ZNF93: variants seen among roughly 807,000 people sequenced by gnomAD.
The protein encoded by ZNF93 is zinc finger protein 93, also known as zinc finger protein 505.
A neutral mutation model predicts 45.0 loss-of-function variants in ZNF93; 29 were observed. The observed-to-expected ratio is 0.64, with a 90% CI of 0.48 to 0.88. ZNF93 has a LOEUF of 0.88. Ranked by LOEUF, ZNF93 falls within the 40% of genes least tolerant of loss-of-function variation. The pLI, the probability that ZNF93 is intolerant of heterozygous loss-of-function variation, is 0.00. For missense variants in ZNF93, 578 were observed against 724.0 expected (o/e 0.80, Z 2.31); for synonymous variants, 223 against 244.6 (o/e 0.91, Z 0.82).
intron 3 of ZNF93, among the ~76,000 whole-genome samples, chr19:19,931,767 TTTAC>T (rs1207357560): frequency 2.0e-5 from 3 of 152,236 alleles, no homozygotes; most frequent in East Asian, 3.8e-4. Flanking sequence ...CATTTCCTGT[TTTAC>T]TTACTTAATT....
At chr19:19,911,940 G>A (rs1288030879) in intron 1 of ZNF93, among the ~76,000 whole-genome samples, 1 of 151,946 alleles carries the variant, frequency 6.6e-6, no homozygotes, top group Non-Finnish European at 1.5e-5. Flanking sequence ...ACTAGAGGCG[G>A]GGTTTCATCA....
intron 3 of ZNF93, among the ~76,000 whole-genome samples, chr19:19,927,849 G>A (rs771366168): frequency 2.6e-5 from 4 of 152,166 alleles, no homozygotes; most frequent in Non-Finnish European, 4.4e-5. Context: ...TCTGGTTCAA[G>A]CAATTCTTGT....
chr19:19,920,947 T>A (rs1187484903), intron 3 of ZNF93, among the ~76,000 whole-genome samples: 1 of 152,218 alleles, frequency 6.6e-6, no homozygotes, highest in Non-Finnish European at 1.5e-5. Flanking sequence ...CTCCTTCAGT[T>A]CTGCTCTGAT....
At chr19:19,916,191 C>T (rs923633762) in intron 2 of ZNF93, among the ~76,000 whole-genome samples, 2 of 151,862 alleles carry the variant, frequency 1.3e-5, no homozygotes, top group Admixed American at 6.6e-5. Flanking sequence ...CTCAATCTCC[C>T]GAGTAGCTGG....
chr19:19,901,216 C>A, intron 1 of ZNF93, 125 bp downstream of exon 1: 1 of 1,501,652 alleles, frequency 6.7e-7, no homozygotes, highest in South Asian at 1.1e-5. Context: ...AGTTCTTGCC[C>A]AGCTCGGCCT....
chr19:19,924,130 C>T (rs2122186114), intron 3 of ZNF93, among the ~76,000 whole-genome samples: 1 of 152,162 alleles, frequency 6.6e-6, no homozygotes, highest in African/African-American at 2.4e-5. Flanking sequence ...TCTTGTTGCC[C>T]AGGCTGGAGT....
intron 1 of ZNF93, among the ~76,000 whole-genome samples, chr19:19,911,489 G>T (rs2063307833): frequency 6.6e-6 from 1 of 152,130 alleles, no homozygotes; most frequent in Non-Finnish European, 1.5e-5. Flanking sequence ...ATAAGGAGAA[G>T]ATCTGGAGAC....
At chr19:19,916,512 A>G (rs919787994) in intron 2 of ZNF93, 48 bp from the exon 3 acceptor site, 1 of 1,488,854 alleles carries the variant, frequency 6.7e-7, no homozygotes, top group Non-Finnish European at 9.3e-7. Context: ...CTAGCTTGTA[A>G]TTGGAGAATA....
rs4435385 is a variant in ZNF93, at chr19:19,934,214, C to T, written c.1259C>T (p.Thr420Ile). The change falls in exon 4 of 4, where the codon ACT becomes ATT. Residue 420 changes from threonine to isoleucine, a missense_variant. Transcript: ENST00000343769. ...CTTAGTTCACATAAGAGAAGTCATA[C>T]TGGAGAGAAACCCTACAAATGTGAA... ...STLSSHKRSH[T>I]GEKPYKCEEC... is the part of the protein sequence containing the mutation. 1.2e-6 allele frequency: 2 copies of T among 1,612,062 alleles called. No homozygotes were observed. Among genetic ancestry groups the T allele is most frequent in the Non-Finnish European group, 1.7e-6 (2 of 1,179,934 alleles).
chr19:19,915,578 G>T (rs866436391), intron 2 of ZNF93, among the ~76,000 whole-genome samples, 172 bp downstream of exon 2: 26 of 152,116 alleles, frequency 1.7e-4, no homozygotes, highest in Middle Eastern at 3.4e-3. Flanking sequence ...AGTGCCTCTT[G>T]CCTGTATAGT....
At chr19:19,931,588 C>A (rs1012512442) in intron 3 of ZNF93, among the ~76,000 whole-genome samples, 9 of 152,182 alleles carry the variant, frequency 5.9e-5, no homozygotes, top group African/African-American at 1.7e-4. Flanking sequence ...TGATCTTGAA[C>A]TTTTGGGTTC....
chr19:19,929,937 C>CAAAAAAAAAAAA (rs71172547), intron 3 of ZNF93, among the ~76,000 whole-genome samples: 1 of 57,688 alleles, frequency 1.7e-5, no homozygotes, highest in Non-Finnish European at 3.1e-5. Flanking sequence ...GACTCCGTCT[C>CAAAAAAAAAAAA]AAAAAAAAAA....
intron 1 of ZNF93, among the ~76,000 whole-genome samples, chr19:19,913,290 C>T (rs1180278559): frequency 6.6e-6 from 1 of 152,196 alleles, no homozygotes; most frequent in African/African-American, 2.4e-5. Flanking sequence ...GCCCAGGCTT[C>T]TCATTAGGAT....
chr19:19,909,218 G>A (rs955411351), intron 1 of ZNF93: 2 of 152,304 alleles, frequency 1.3e-5, no homozygotes, highest in Non-Finnish European at 2.9e-5. Flanking sequence ...TGTGCTCTGG[G>A]CTGTGCCTCA....
In ZNF93 at chr19:19,934,631, A is replaced by C. The variant is rs760667076; in HGVS notation, c.1676A>C (p.His559Pro). Reference protein sequence around the residue: ...STHLTTHKILHTGEKPYRCRE... With the variant: ...STHLTTHKILPTGEKPYRCRE... The stretch of plus-strand genomic sequence containing the variant: ...CACCTTACTACACATAAGATACTTC[A>C]TACTGGAGAGAAACCTTATAGATGT... Residue 559 changes from histidine to proline, a missense_variant, in exon 4 of 4, where the codon CAT becomes CCT. By Grantham distance (77) the His-to-Pro change is moderately conservative. Transcript: ENST00000343769. 5 of 1,613,874 alleles carry C rather than the reference A, an allele frequency of 3.1e-6. No homozygotes were observed. Among genetic ancestry groups the C allele is most frequent in the Non-Finnish European group, 4.2e-6 (5 of 1,179,950 alleles).
At position 19,934,034 on chromosome 19, in the gene ZNF93, A is replaced by C; in HGVS notation, c.1079A>C (p.Glu360Ala). Residue 360 changes from glutamate (E) to alanine (A), a missense_variant, in exon 4 of 4, where the codon GAG becomes GCG. Transcript: ENST00000343769. ...FIASSTLSRH[E>A]FIHMGKKHYK... ...GCATCCTCAACCCTTAGTAGACATG[A>C]GTTCATTCATATGGGAAAGAAACAT... 6.2e-7 allele frequency: 1 copy of C among 1,613,316 alleles called. No homozygotes were observed. Among genetic ancestry groups the C allele is most frequent in the South Asian group, 1.1e-5 (1 of 90,972 alleles).
intron 1 of ZNF93, chr19:19,914,938 T>C (rs2063319080): frequency 9.0e-6 from 3 of 331,994 alleles, no homozygotes; most frequent in South Asian, 5.2e-5. Flanking sequence ...AGGTGACTTC[T>C]AACTCAACAT....
At chr19:19,903,300 A>C (rs1351987350) in intron 1 of ZNF93, among the ~76,000 whole-genome samples, 1 of 152,206 alleles carries the variant, frequency 6.6e-6, no homozygotes, top group Non-Finnish European at 1.5e-5. Flanking sequence ...CAGATTTTAC[A>C]TCAGAGAATG....
chr19:19,932,972 G>C (rs2063379209), intron 3 of ZNF93: 2 of 360,536 alleles, frequency 5.5e-6, no homozygotes, highest in Admixed American at 4.6e-5. Flanking sequence ...TTGAGATGGA[G>C]TTAAATTTAC....
Sources: allele counts gnomAD v4.1 joint callset (sites outside exome capture counted in the v4.1 genomes callset), GRCh38; gene constraint gnomAD v4.1.1; transcripts MANE v1.5; gene names NCBI Gene and HGNC (gene_info 2026-07-23, HGNC 2026-07-21).